Variants in SLC4A8 observed in about 807,000 individuals in gnomAD.
The protein encoded by SLC4A8 is electroneutral sodium bicarbonate exchanger 1.
A neutral mutation model predicts 125.0 loss-of-function variants in SLC4A8; 40 were observed. The ratio of observed to expected loss-of-function variants is 0.32; its 90% CI spans 0.25 to 0.42. The LOEUF is 0.42. SLC4A8 is among the 10% of genes least tolerant of loss of function. SLC4A8 has a pLI of 1.00. For missense variants in SLC4A8, 863 were observed against 1,355.1 expected, an observed-to-expected ratio of 0.64 and a Z score of 5.70; for synonymous variants, 456 against 476.0, an observed-to-expected ratio of 0.96 and a Z score of 0.55.
In SLC4A8 at chr12:51,508,401, AT is replaced by A. The variant is rs1236724767; in HGVS notation, c.*967del. The A allele has an allele frequency of 1.3e-5, 2 of 152,196 alleles. No individual in the cohort carries two copies. Among genetic ancestry groups the A allele is most frequent in the Non-Finnish European group, 2.9e-5 (2 of 67,982 alleles). 9.4% of individuals were successfully genotyped at this position (152,196 alleles called of 1,614,324 possible). On this transcript the variant is annotated 3_prime_UTR_variant, in exon 25 of 25. Transcript: ENST00000453097. ...GGAGGATATGATGTTTTTATTGGCC[AT>A]TTTGCGGGACTCTTCGACTTCTTGC...
In SLC4A8 at chr12:51,512,632, A is replaced by G. The variant is rs551510127; in HGVS notation, c.*5194A>G. 2.0e-5 allele frequency: 3 copies of G among 152,110 alleles called. No individual in the cohort carries two copies. The East Asian group carries it at 5.8e-4, about 29-fold the overall frequency. The allele number at this position is 152,110 out of a possible 1,614,324, so 9.4% of individuals were successfully genotyped here. On this transcript the variant is annotated 3_prime_UTR_variant, in exon 25 of 25. Transcript: ENST00000453097. The stretch of plus-strand genomic sequence containing the variant: ...AAATGAGTAGTGGTGAAGCAGCAGC[A>G]GTGTGTGTGTGGGTGTGGGTGTGTG...
chr12:51,397,987 A>G (rs1948297142), intron 1 of SLC4A8, among the ~76,000 whole-genome samples: 1 of 152,014 alleles, frequency 6.6e-6, no homozygotes, highest in Non-Finnish European at 1.5e-5. Flanking sequence ...GAGACCCAGG[A>G]GGTCTCAAAC....
At chr12:51,426,861 G>A (rs558119271) in intron 1 of SLC4A8, among the ~76,000 whole-genome samples, 1 of 151,730 alleles carries the variant, frequency 6.6e-6, no homozygotes, top group African/African-American at 2.4e-5. Flanking sequence ...GAGAGAGGGG[G>A]TCTCTCCTAA....
intron 1 of SLC4A8, among the ~76,000 whole-genome samples, chr12:51,409,627 G>A (rs1948558726): frequency 6.6e-6 from 1 of 152,166 alleles, no homozygotes; most frequent in South Asian, 2.1e-4. Context: ...ATAGTGCACT[G>A]CAGCCTTGAA....
At chr12:51,427,122 T>C (rs1949018905) in intron 1 of SLC4A8, among the ~76,000 whole-genome samples, 1 of 151,870 alleles carries the variant, frequency 6.6e-6, no homozygotes, top group African/African-American at 2.4e-5. Flanking sequence ...GTATTTTTAG[T>C]AGAGACAGGG....
At position 51,471,506 on chromosome 12, in the gene SLC4A8, C is replaced by A. The variant is rs1204965915; in HGVS notation, c.1878C>A (p.Ser626Arg). 1 of 1,614,138 alleles carries A rather than the reference C, an allele frequency of 6.2e-7. No homozygotes were observed. Among genetic ancestry groups the A allele is most frequent in the East Asian group, 2.2e-5 (1 of 44,890 alleles). The change falls in exon 14 of 25, where the codon AGC becomes AGA. Residue 626 changes from serine (S) to arginine (R), a missense_variant. Coordinates refer to ENST00000453097, the MANE Select transcript of SLC4A8 (RefSeq NM_001039960.3). ...LAETYPIHMH[S>R]QLDHLSLYYC... Reference sequence around the variant, plus strand: ...AGACCTACCCCATCCACATGCACAGCCAGCTGGACCACCTTAGCCTCTATT... The same window carrying A: ...AGACCTACCCCATCCACATGCACAGACAGCTGGACCACCTTAGCCTCTATT...
intron 8 of SLC4A8, among the ~76,000 whole-genome samples, chr12:51,460,643 G>A (rs891330248): frequency 9.2e-5 from 14 of 152,160 alleles, no homozygotes; most frequent in Non-Finnish European, 1.8e-4. Context: ...AAAGGTATTT[G>A]TTTCCCTTTG....
intron 1 of SLC4A8, among the ~76,000 whole-genome samples, chr12:51,402,221 A>C (rs763872737): frequency 7.9e-5 from 12 of 152,210 alleles, no homozygotes; most frequent in Non-Finnish European, 1.5e-4. Context: ...CTCCCTAATC[A>C]TCAAGACTTG....
In SLC4A8 at chr12:51,424,937, C is replaced by A; in HGVS notation, c.-51C>A. ...CTCAGACCCGACCAGAGGGCGCGGGCTGCTGATGCTTGGCTTGGAGCCCGT... is the reference window on the plus strand; with the variant it reads ...CTCAGACCCGACCAGAGGGCGCGGGATGCTGATGCTTGGCTTGGAGCCCGT... On this transcript the variant is annotated 5_prime_UTR_variant, in exon 1 of 25. In the 5' UTR this introduces an upstream ATG that the reference lacks. Coordinates refer to ENST00000453097, the MANE Select transcript of SLC4A8 (RefSeq NM_001039960.3). 6.5e-7 allele frequency: 1 copy of A among 1,543,818 alleles called. No individual in the cohort carries two copies. Among genetic ancestry groups the A allele is most frequent in the African/African-American group, 1.4e-5 (1 of 72,938 alleles).
At chr12:51,439,580 T>A (rs1273207907) in intron 1 of SLC4A8, among the ~76,000 whole-genome samples, 1 of 150,418 alleles carries the variant, frequency 6.6e-6, no homozygotes, top group African/African-American at 2.5e-5. Context: ...ACAGCAGCAC[T>A]AAGTAAAGAA....
At chr12:51,507,236 C>T (rs753579901) in intron 24 of SLC4A8, among the ~76,000 whole-genome samples, 190 bp from the exon 25 acceptor site, 3 of 152,176 alleles carry the variant, frequency 2.0e-5, no homozygotes, top group South Asian at 2.1e-4. Context: ...TTGTTTCCTT[C>T]GGAGGAAAAT....
intron 16 of SLC4A8, among the ~76,000 whole-genome samples, chr12:51,476,825 G>A (rs185742439): frequency 4.6e-5 from 7 of 151,588 alleles, no homozygotes; most frequent in Admixed American, 2.0e-4. Flanking sequence ...CATTATTTAC[G>A]GCATTTTTTT....
At chr12:51,447,284 G>A (rs936991657) in intron 2 of SLC4A8, among the ~76,000 whole-genome samples, 50 of 151,676 alleles carry the variant, frequency 3.3e-4, no homozygotes, top group South Asian at 2.1e-4. Flanking sequence ...TGGAGATGAG[G>A]TCTCACTAAG....
chr12:51,391,699 A>C (rs954694579), intron 1 of SLC4A8: 2 of 152,082 alleles, frequency 1.3e-5, no homozygotes, highest in Non-Finnish European at 2.9e-5. Flanking sequence ...GACCTCCCCC[A>C]GCTGCACTAA....
At chr12:51,467,306 C>T (rs1272780093) in intron 11 of SLC4A8, 1 of 152,236 alleles carries the variant, frequency 6.6e-6, no homozygotes, top group East Asian at 1.9e-4. Context: ...GCCAGATAGG[C>T]TAAAACTAAG....
chr12:51,458,277 T>C (rs1255028275), intron 6 of SLC4A8, among the ~76,000 whole-genome samples: 1 of 152,184 alleles, frequency 6.6e-6, no homozygotes, highest in Non-Finnish European at 1.5e-5. Flanking sequence ...GGGTCTCTCA[T>C]ATGCATGTCT....
At chr12:51,498,899 AG>A (rs1937708116) in intron 22 of SLC4A8, among the ~76,000 whole-genome samples, 1 of 136,382 alleles carries the variant, frequency 7.3e-6, no homozygotes, top group Non-Finnish European at 1.6e-5. Flanking sequence ...AAAAAAAAAA[AG>A]AGGCTGGATG....
intron 4 of SLC4A8, among the ~76,000 whole-genome samples, chr12:51,452,711 A>G (rs1259156471): frequency 1.3e-5 from 2 of 152,192 alleles, no homozygotes; most frequent in African/African-American, 4.8e-5. Flanking sequence ...TTCCTCTGGG[A>G]CAATTCAAGC....
chr12:51,491,224 TAAAATATA>T (rs1279250063), intron 19 of SLC4A8, among the ~76,000 whole-genome samples: 5 of 152,154 alleles, frequency 3.3e-5, no homozygotes, highest in African/African-American at 1.2e-4. Flanking sequence ...GGTTCTGGAC[TAAAATATA>T]AATTTGGGTA....
Sources: allele counts gnomAD v4.1 joint callset (sites outside exome capture counted in the v4.1 genomes callset), GRCh38; gene constraint gnomAD v4.1.1; transcripts MANE v1.5; gene names NCBI Gene and HGNC (gene_info 2026-07-23, HGNC 2026-07-21).